Variants in OTOA observed in about 807,000 individuals in gnomAD.
OTOA encodes otoancorin.
In OTOA, 70 loss-of-function variants were observed where a neutral mutation model predicts 110.8. The observed-to-expected ratio is 0.63, with a 90% CI of 0.52 to 0.77. The LOEUF is 0.77. Ranked by LOEUF, OTOA falls within the 30% of genes least tolerant of loss-of-function variation. OTOA has a pLI of 0.00. For missense variants in OTOA, 917 were observed against 1,075.8 expected, an observed-to-expected ratio of 0.85 and a Z score of 2.06; for synonymous variants, 373 against 431.5, an observed-to-expected ratio of 0.86 and a Z score of 1.68.
At chr16:21,735,629 C>T (rs1899268270) in intron 21 of OTOA, among the ~76,000 whole-genome samples, 1 of 151,956 alleles carries the variant, frequency 6.6e-6, no homozygotes, top group African/African-American at 2.4e-5. Context: ...GTTGTACTCC[C>T]ATCACCCAGG....
chr16:21,708,705 C>T (rs990689261), intron 12 of OTOA, among the ~76,000 whole-genome samples: 1 of 152,166 alleles, frequency 6.6e-6, no homozygotes, highest in African/African-American at 2.4e-5. Context: ...CTCTGCTGCC[C>T]CCCAGTGGCT....
chr16:21,693,835 C>T (rs1323493630), intron 9 of OTOA, among the ~76,000 whole-genome samples: 1 of 152,146 alleles, frequency 6.6e-6, no homozygotes, highest in East Asian at 1.9e-4. Context: ...CTTGGCCTCC[C>T]AAAGTGCTGG....
intron 24 of OTOA, among the ~76,000 whole-genome samples, chr16:21,749,508 G>A (rs1297933654): frequency 2.0e-5 from 3 of 148,482 alleles, no homozygotes; most frequent in Non-Finnish European, 4.4e-5. Context: ...CAGCCTGGGT[G>A]ACACAGTGAG....
In OTOA at chr16:21,676,951, CA is replaced by C. The variant is rs200892710; in HGVS notation, c.-4-1559del. Among the ~76,000 whole-genome samples the C allele has an allele frequency of 2.7e-3, 404 of 152,316 alleles. 3 individuals are homozygous for C. Among genetic ancestry groups the C allele is most frequent in the African/African-American group, 9.3e-3 (386 of 41,578 alleles). The stretch of plus-strand genomic sequence containing the variant: ...CCAATGTCTGAAAAACCTTTGGATG[CA>C]CATATTTCAGCCAGCTTTTTAATTG... On this transcript the variant is annotated intron_variant, in intron 1 of 28. Coordinates refer to ENST00000646100, the MANE Select transcript of OTOA (RefSeq NM_144672.4).
chr16:21,715,076 C>A lies in OTOA; in HGVS notation c.1412C>A (p.Ser471Ter). 6.2e-7 allele frequency: 1 copy of A among 1,614,208 alleles called. No homozygotes were observed. Among genetic ancestry groups the A allele is most frequent in the East Asian group, 2.2e-5 (1 of 44,888 alleles). Residue 471 changes from serine to a stop codon, truncating the protein, a stop_gained, in exon 14 of 29, where the codon TCG becomes TAG. Coordinates refer to ENST00000646100, the MANE Select transcript of OTOA (RefSeq NM_144672.4). LOFTEE classifies it high-confidence loss of function. ...TGCAGCATGAAACGCAAGGACATCT[C>A]GCAGGTCCTGAGAAGTGCCGTCTCC... is the stretch of plus-strand genomic sequence containing the variant. ...AFCSMKRKDI[S>*]QVLRSAVSQY...
chr16:21,755,419 C>A (rs1899947568), intron 27 of OTOA, among the ~76,000 whole-genome samples: 1 of 95,016 alleles, frequency 1.1e-5, no homozygotes, highest in African/African-American at 3.8e-5. Context: ...ATATGGAAGC[C>A]AAAAAAGTAC....
chr16:21,699,987 A>G (rs901211697), intron 10 of OTOA, among the ~76,000 whole-genome samples: 2 of 152,106 alleles, frequency 1.3e-5, no homozygotes, highest in Non-Finnish European at 2.9e-5. Flanking sequence ...GTGTCCCCCC[A>G]AAATTATATA....
At chr16:21,726,702 T>C (rs907742462) in intron 19 of OTOA, 44 bp downstream of exon 19, 2 of 1,612,526 alleles carry the variant, frequency 1.2e-6, no homozygotes, top group African/African-American at 2.7e-5. Context: ...TGGGTATCTG[T>C]GGCCATCTTG....
At chr16:21,759,069 T>G (rs964711674) in intron 28 of OTOA, among the ~76,000 whole-genome samples, 2 of 152,136 alleles carry the variant, frequency 1.3e-5, no homozygotes, top group Non-Finnish European at 2.9e-5. Context: ...GAAAGTTATT[T>G]GTAAATGTTA....
intron 7 of OTOA, 48 bp from the exon 8 acceptor site, chr16:21,687,365 A>C (rs1409519481): frequency 6.5e-7 from 1 of 1,530,282 alleles, no homozygotes; most frequent in African/African-American, 1.4e-5. Flanking sequence ...GGGCTTCCAA[A>C]TTGAGAGGCA....
chr16:21,756,854 C>T (rs1164155169), intron 27 of OTOA, among the ~76,000 whole-genome samples: 8 of 147,736 alleles, frequency 5.4e-5, no homozygotes, highest in Non-Finnish European at 8.9e-5. Flanking sequence ...TATGGCAAGT[C>T]TGCCGGCTTT....
rs1342922802 is a variant in OTOA at position 21,687,570 on chromosome 16, G to C, written c.557G>C (p.Gly186Ala). The change falls in exon 8 of 29, where the codon GGG becomes GCG. Residue 186 changes from glycine (G) to alanine (A), a missense_variant. By Grantham distance (60) the Gly-to-Ala change is moderately conservative. Coordinates refer to ENST00000646100, the MANE Select transcript of OTOA (RefSeq NM_144672.4). ...GAGATCCTGGGCAAGGTGCTGAGGG[G>C]GTCCTCAGGGAGCTTTCTCCAGCCA... ...CVEILGKVLR[G>A]SSGSFLQPDI... The C allele has an allele frequency of 2.5e-6, 4 of 1,613,858 alleles. No homozygotes were observed. Among genetic ancestry groups the C allele is most frequent in the Non-Finnish European group, 3.4e-6 (4 of 1,179,988 alleles).
At position 21,736,266 on chromosome 16, in the gene OTOA, T is replaced by A. The variant is rs777540643; in HGVS notation, c.2307T>A (p.Pro769=). ...DELSSIATKF[P]EILLQAASKM... ...TTTCATCTTCTTTCACACAGTTTCCTGAGATCCTTCTGCAAGCAGCTTCCA... is the reference window on the plus strand; with the variant it reads ...TTTCATCTTCTTTCACACAGTTTCCAGAGATCCTTCTGCAAGCAGCTTCCA... The change falls in exon 22 of 29, where the codon CCT becomes CCA. Residue 769 remains proline (P), a synonymous_variant. Transcript: ENST00000646100. 6.2e-7 allele frequency: 1 copy of A among 1,612,942 alleles called. No homozygotes were observed. Among genetic ancestry groups the A allele is most frequent in the Non-Finnish European group, 8.5e-7 (1 of 1,178,946 alleles).
At chr16:21,666,030 C>T (rs923167548) in intron 1 of OTOA, among the ~76,000 whole-genome samples, 1 of 151,884 alleles carries the variant, frequency 6.6e-6, no homozygotes, top group Admixed American at 6.6e-5. Context: ...CCTATGTTGC[C>T]CAGGCTGGTT....
intron 6 of OTOA, among the ~76,000 whole-genome samples, chr16:21,682,280 T>C (rs1597807695): frequency 6.6e-6 from 1 of 152,124 alleles, no homozygotes; most frequent in East Asian, 1.9e-4. Context: ...AGGGGATGGG[T>C]GGGAAGAAGA....
chr16:21,694,345 G>C (rs548125368), intron 9 of OTOA, among the ~76,000 whole-genome samples: 190 of 152,156 alleles, frequency 1.2e-3, no homozygotes, highest in Non-Finnish European at 2.0e-3. Flanking sequence ...TGGAGGCTGA[G>C]GGGGGGAGGA....
chr16:21,691,773 A>T, intron 9 of OTOA, 86 bp downstream of exon 9: 2 of 1,259,150 alleles, frequency 1.6e-6, no homozygotes, highest in Non-Finnish European at 2.3e-6. Context: ...CATGGATTTG[A>T]TGTTGTTCTC....
intron 17 of OTOA, among the ~76,000 whole-genome samples, chr16:21,721,945 C>T (rs544938129): frequency 9.2e-5 from 14 of 151,622 alleles, no homozygotes; most frequent in African/African-American, 2.2e-4. Flanking sequence ...ACAAGTGGGC[C>T]GGGCACAGTG....
At chr16:21,697,311 C>T (rs1026117967) in intron 9 of OTOA, among the ~76,000 whole-genome samples, 1 of 151,996 alleles carries the variant, frequency 6.6e-6, no homozygotes, top group Non-Finnish European at 1.5e-5. Flanking sequence ...GTAGGCCCTA[C>T]GTATATGATT....
Sources: allele counts gnomAD v4.1 joint callset (sites outside exome capture counted in the v4.1 genomes callset), GRCh38; gene constraint gnomAD v4.1.1; transcripts MANE v1.5; gene names NCBI Gene and HGNC (gene_info 2026-07-23, HGNC 2026-07-21).